Variants in PLPPR1 observed in about 807,000 individuals in gnomAD.
PLPPR1 encodes phospholipid phosphatase related 1.
Under a neutral mutation model 33.1 loss-of-function variants are expected in PLPPR1, and 10 were observed. That is an observed-to-expected ratio of 0.30 (90% CI 0.19 to 0.51). The LOEUF (loss-of-function observed/expected upper bound fraction) is 0.51. Ranked by LOEUF, PLPPR1 falls within the 20% of genes least tolerant of loss-of-function variation. The pLI is 0.97. For missense variants in PLPPR1, 304 were observed against 408.1 expected, an observed-to-expected ratio of 0.74 and a Z score of 2.20; for synonymous variants, 151 against 151.0, an observed-to-expected ratio of 1.00 and a Z score of 0.00.
intron 3 of PLPPR1, among the ~76,000 whole-genome samples, chr9:101,278,623 C>T (rs898990509): frequency 6.6e-6 from 1 of 152,170 alleles, no homozygotes; most frequent in Non-Finnish European, 1.5e-5. Context: ...TGGACCCCAA[C>T]CCTGGGCCCA....
chr9:101,039,922 TAAAA>T (rs36061660), intron 1 of PLPPR1, among the ~76,000 whole-genome samples: 9 of 134,956 alleles, frequency 6.7e-5, no homozygotes, highest in East Asian at 4.3e-4. Context: ...TATTGCCTCC[TAAAA>T]AAAAAAAAAA....
At position 101,146,386 on chromosome 9, in the gene PLPPR1, C is replaced by G. The variant is rs537489797; in HGVS notation, c.-45-39064C>G. ...ATAAGGATACCTGATATTAAGCCTC[C>G]CTAGATGGAGGCCCATGTAGTGGAA... On this transcript the variant is annotated intron_variant, in intron 1 of 7. Coordinates refer to ENST00000374874, the MANE Select transcript of PLPPR1 (RefSeq NM_207299.2). Among the ~76,000 whole-genome samples, 3 of 152,154 alleles carry G rather than the reference C, an allele frequency of 2.0e-5. No homozygotes were observed. In the South Asian group the frequency reaches 6.2e-4, roughly 32 times the overall value.
At chr9:101,154,170 T>C (rs991652962) in intron 1 of PLPPR1, among the ~76,000 whole-genome samples, 1 of 152,180 alleles carries the variant, frequency 6.6e-6, no homozygotes, top group Non-Finnish European at 1.5e-5. Context: ...TCTAAAATTC[T>C]CTTTTTTTGT....
At position 101,180,143 on chromosome 9, in the gene PLPPR1, TACACACACAC is replaced by T. The variant is rs369914371; in HGVS notation, c.-45-5297_-45-5288del. Reference sequence around the variant, plus strand: ...ATATATATATATATATATATATATATACACACACACACACACACATACACACACACACAGA... The same window carrying T: ...ATATATATATATATATATATATATATACACACACATACACACACACACAGA... On this transcript the variant is annotated intron_variant, in intron 1 of 7. Transcript: ENST00000374874. 4.0e-3 allele frequency among the ~76,000 whole-genome samples: 155 copies of T among 39,204 alleles called. 3 individuals are homozygous for T. The highest frequency in any genetic ancestry group is 5.3e-3 in the Non-Finnish European group (106 of 20,124). 25.7% of individuals were successfully genotyped at this position (39,204 alleles called of 152,430 possible). A position where few individuals can be genotyped will look rare whatever the true frequency, so the allele number is the denominator to read the frequency against.
At chr9:101,093,623 T>C (rs1357311593) in intron 1 of PLPPR1, among the ~76,000 whole-genome samples, 1 of 152,184 alleles carries the variant, frequency 6.6e-6, no homozygotes, top group Non-Finnish European at 1.5e-5. Flanking sequence ...TCTTCTACTT[T>C]AACTTTAAAA....
chr9:101,095,619 G>T (rs568679465), intron 1 of PLPPR1, among the ~76,000 whole-genome samples: 1 of 152,214 alleles, frequency 6.6e-6, no homozygotes, highest in East Asian at 1.9e-4. Context: ...TTCAGGGTAG[G>T]CATTACTATC....
chr9:101,319,929 C>T (rs1277557811), intron 7 of PLPPR1, among the ~76,000 whole-genome samples: 8 of 152,188 alleles, frequency 5.3e-5, no homozygotes. Flanking sequence ...ACACCTCATC[C>T]TTCCACCCAG....
chr9:101,086,585 T>C (rs1159307255), intron 1 of PLPPR1, among the ~76,000 whole-genome samples: 1 of 152,188 alleles, frequency 6.6e-6, no homozygotes, highest in Non-Finnish European at 1.5e-5. Context: ...GGCTATACAT[T>C]ACTATGTCAA....
chr9:101,256,657 A>G (rs1410823404), intron 2 of PLPPR1, among the ~76,000 whole-genome samples: 1 of 152,114 alleles, frequency 6.6e-6, no homozygotes, highest in Non-Finnish European at 1.5e-5. Context: ...TTAGCTTGCT[A>G]TGACATATGC....
chr9:101,243,941 C>G (rs761390377), intron 2 of PLPPR1, among the ~76,000 whole-genome samples: 1 of 151,618 alleles, frequency 6.6e-6, no homozygotes, highest in African/African-American at 2.4e-5. Context: ...GATGGTAGAA[C>G]CCTGGAAAAC....
At chr9:101,301,515 T>G (rs1163516760) in intron 4 of PLPPR1, among the ~76,000 whole-genome samples, 1 of 152,190 alleles carries the variant, frequency 6.6e-6, no homozygotes, top group Non-Finnish European at 1.5e-5. Flanking sequence ...TAATTGACTT[T>G]AATAAAATCT....
chr9:101,317,039 A>G (rs1232259539), intron 6 of PLPPR1, among the ~76,000 whole-genome samples: 1 of 152,178 alleles, frequency 6.6e-6, no homozygotes. Context: ...CCAGACACAT[A>G]GTGGCCCTCA....
At chr9:101,047,173 CT>C (rs1830162470) in intron 1 of PLPPR1, among the ~76,000 whole-genome samples, 1 of 152,170 alleles carries the variant, frequency 6.6e-6, no homozygotes, top group African/African-American at 2.4e-5. Context: ...TTTTTTGAGT[CT>C]TATTTTTACT....
chr9:101,062,699 T>G (rs1416959645), intron 1 of PLPPR1, among the ~76,000 whole-genome samples: 2 of 152,066 alleles, frequency 1.3e-5, no homozygotes, highest in African/African-American at 4.8e-5. Flanking sequence ...GTTTTTTGTC[T>G]AAATATTCTT....
At chr9:101,176,899 G>T (rs1472440748) in intron 1 of PLPPR1, among the ~76,000 whole-genome samples, 1 of 152,156 alleles carries the variant, frequency 6.6e-6, no homozygotes, top group East Asian at 1.9e-4. Context: ...TAACATAGAT[G>T]TTAAAATCCT....
At chr9:101,062,959 C>T (rs896433601) in intron 1 of PLPPR1, among the ~76,000 whole-genome samples, 1 of 151,938 alleles carries the variant, frequency 6.6e-6, no homozygotes, top group Non-Finnish European at 1.5e-5. Flanking sequence ...GTTTTGGGAG[C>T]AGCGGGAATG....
chr9:101,189,821 G>T lies in PLPPR1; in HGVS notation c.63+4264G>T, dbSNP rs573613296. On this transcript the variant is annotated intron_variant, in intron 2 of 7. Coordinates refer to ENST00000374874, the MANE Select transcript of PLPPR1 (RefSeq NM_207299.2). ...TATAGTGTCATTTTCTGTGCTTATG[G>T]TTTTAGTTTGTCTTTAATTATATCA... Among the ~76,000 whole-genome samples the T allele has an allele frequency of 5.3e-5, 8 of 151,948 alleles. No homozygotes were observed. The South Asian group carries it at 1.7e-3, about 32-fold the overall frequency.
At chr9:101,068,533 T>A (rs965909712) in intron 1 of PLPPR1, among the ~76,000 whole-genome samples, 10 of 152,050 alleles carry the variant, frequency 6.6e-5, no homozygotes, top group African/African-American at 2.2e-4. Context: ...AATTTGAGAT[T>A]GCTCTAATGC....
intron 1 of PLPPR1, among the ~76,000 whole-genome samples, chr9:101,067,291 TA>T (rs1830430556): frequency 2.6e-5 from 4 of 151,868 alleles, no homozygotes; most frequent in Admixed American, 2.0e-4. Flanking sequence ...CATTACTTCA[TA>T]TAATATCACC....
Sources: allele counts gnomAD v4.1 joint callset (sites outside exome capture counted in the v4.1 genomes callset), GRCh38; gene constraint gnomAD v4.1.1; transcripts MANE v1.5; gene names NCBI Gene and HGNC (gene_info 2026-07-23, HGNC 2026-07-21).